Variants in SEMA5A observed in about 807,000 individuals in gnomAD.
SEMA5A encodes semaphorin 5A, also known as semaphorin-5A.
Under a neutral mutation model 135.5 loss-of-function variants are expected in SEMA5A, and 55 were observed. The observed-to-expected ratio is 0.41, with a 90% confidence interval of 0.33 to 0.51. The LOEUF is 0.51. Ranked by LOEUF, SEMA5A falls within the 20% of genes least tolerant of loss-of-function variation. The pLI, the probability that SEMA5A is intolerant of heterozygous loss-of-function variation, is 0.37. For synonymous variants in SEMA5A, 580 were observed against 546.5 expected, an observed-to-expected ratio of 1.06 and a Z score of -0.85; for missense variants, 1,290 against 1,419.9, an observed-to-expected ratio of 0.91 and a Z score of 1.47.
intron 8 of SEMA5A, among the ~76,000 whole-genome samples, chr5:9,205,475 T>C (rs1806067): frequency 0.06 from 9,127 of 152,208 alleles, 357 homozygotes; most frequent in Non-Finnish European, 0.088. Context: ...GAGGTCATTC[T>C]GTACCCTGTG....
chr5:9,519,127 T>G (rs968199491), intron 1 of SEMA5A, among the ~76,000 whole-genome samples: 2 of 152,220 alleles, frequency 1.3e-5, no homozygotes, highest in Non-Finnish European at 2.9e-5. Context: ...CTGTAAAACA[T>G]GGAGCTGCTA....
At chr5:9,199,411 C>A (rs571375808) in intron 9 of SEMA5A, among the ~76,000 whole-genome samples, 18 of 152,308 alleles carry the variant, frequency 1.2e-4, no homozygotes, top group African/African-American at 4.1e-4. Flanking sequence ...CTGTGCTCCT[C>A]CCTCTGCCCT....
chr5:9,536,826 T>C (rs544927618), intron 1 of SEMA5A, among the ~76,000 whole-genome samples: 88 of 152,326 alleles, frequency 5.8e-4, no homozygotes, highest in African/African-American at 2.0e-3. Flanking sequence ...CAAGCTTCAA[T>C]GAAGTTTCTC....
At position 9,041,444 on chromosome 5, in the gene SEMA5A, TGCC is replaced by T. The variant is rs1382882665; in HGVS notation, c.*1450_*1452del. The T allele has an allele frequency of 2.0e-5, 3 of 152,204 alleles. No homozygotes were observed. Among genetic ancestry groups the T allele is most frequent in the African/African-American group, 7.2e-5 (3 of 41,450 alleles). 9.4% of individuals were successfully genotyped at this position (152,204 alleles called of 1,614,324 possible). On this transcript the variant is annotated 3_prime_UTR_variant, in exon 23 of 23. Transcript: ENST00000382496. ...TTTTTTCAATAATTATTCAACCAAC[TGCC>T]ATAGGTTATGTATTGGTTGTTTGTG...
intron 2 of SEMA5A, among the ~76,000 whole-genome samples, chr5:9,404,192 T>C (rs1397828473): frequency 1.3e-5 from 2 of 152,082 alleles, no homozygotes; most frequent in Non-Finnish European, 2.9e-5. Flanking sequence ...CCTCAGCCTC[T>C]CAAAGTGCTG....
chr5:9,168,619 T>C (rs1378767381), intron 11 of SEMA5A, among the ~76,000 whole-genome samples: 1 of 152,186 alleles, frequency 6.6e-6, no homozygotes, highest in Non-Finnish European at 1.5e-5. Flanking sequence ...AAAAAACCAA[T>C]GGGCAGGGAT....
In SEMA5A at chr5:9,431,675, G is replaced by A. The variant is rs143427153; in HGVS notation, c.-78+6081C>T. Among the ~76,000 whole-genome samples the A allele has an allele frequency of 3.8e-3, 585 of 152,218 alleles. 4 individuals carry two copies. The highest frequency in any genetic ancestry group is 0.013 in the African/African-American group (550 of 41,528). ...TCCCATGAAATCCAAAGATCCAAACGTGGGGTCGTTTTTATGCCCTCAGGA... is the reference window on the plus strand; with the variant it reads ...TCCCATGAAATCCAAAGATCCAAACATGGGGTCGTTTTTATGCCCTCAGGA... On this transcript the variant is annotated intron_variant, in intron 2 of 22. Coordinates refer to ENST00000382496, the MANE Select transcript of SEMA5A (RefSeq NM_003966.3).
intron 5 of SEMA5A, among the ~76,000 whole-genome samples, chr5:9,294,369 A>G (rs950992669): frequency 6.6e-6 from 1 of 152,186 alleles, no homozygotes; most frequent in Non-Finnish European, 1.5e-5. Context: ...AGCTGTCCAA[A>G]AATGGGGCAG....
At chr5:9,357,114 T>G (rs1023504976) in intron 3 of SEMA5A, among the ~76,000 whole-genome samples, 22 of 152,222 alleles carry the variant, frequency 1.4e-4, no homozygotes, top group Non-Finnish European at 2.9e-4. Context: ...ATCTCATTAA[T>G]TACAACTCTT....
intron 2 of SEMA5A, among the ~76,000 whole-genome samples, chr5:9,433,235 AAC>A (rs1455749430): frequency 6.6e-6 from 1 of 152,206 alleles, no homozygotes; most frequent in Non-Finnish European, 1.5e-5. Context: ...TCCTGAATTA[AAC>A]AGTTAAATAT....
At chr5:9,102,291 T>G (rs1278271213) in intron 16 of SEMA5A, among the ~76,000 whole-genome samples, 2 of 152,232 alleles carry the variant, frequency 1.3e-5, no homozygotes, top group African/African-American at 4.8e-5. Context: ...GCAAGGAGGT[T>G]GCTATGCTCT....
At chr5:9,183,689 C>A (rs1408701072) in intron 11 of SEMA5A, among the ~76,000 whole-genome samples, 1 of 152,208 alleles carries the variant, frequency 6.6e-6, no homozygotes, top group Non-Finnish European at 1.5e-5. Flanking sequence ...ACCCCAGAGC[C>A]TTGGCTCACG....
intron 1 of SEMA5A, among the ~76,000 whole-genome samples, chr5:9,445,175 G>A (rs1758385130): frequency 6.6e-6 from 1 of 152,126 alleles, no homozygotes; most frequent in South Asian, 2.1e-4. Flanking sequence ...GCTGGATGTT[G>A]TGCTGAATGA....
At chr5:9,292,935 C>T (rs1751156404) in intron 5 of SEMA5A, among the ~76,000 whole-genome samples, 1 of 152,154 alleles carries the variant, frequency 6.6e-6, no homozygotes, top group Admixed American at 6.5e-5. Context: ...ACCCCCATGA[C>T]CAAGAATTAT....
At chr5:9,357,611 A>G (rs1285612540) in intron 3 of SEMA5A, among the ~76,000 whole-genome samples, 1 of 152,136 alleles carries the variant, frequency 6.6e-6, no homozygotes, top group African/African-American at 2.4e-5. Flanking sequence ...GAATAGACAT[A>G]AGCCTTTTTG....
At chr5:9,521,909 AGG>A (rs1444594082) in intron 1 of SEMA5A, among the ~76,000 whole-genome samples, 1 of 152,148 alleles carries the variant, frequency 6.6e-6, no homozygotes, top group African/African-American at 2.4e-5. Context: ...TGCTCAGTTC[AGG>A]CTGCCTGTCA....
intron 2 of SEMA5A, among the ~76,000 whole-genome samples, chr5:9,417,623 T>G (rs1293321566): frequency 6.6e-6 from 1 of 152,210 alleles, no homozygotes; most frequent in African/African-American, 2.4e-5. Flanking sequence ...ATAATCACAT[T>G]CTTTGCTCTT....
chr5:9,543,470 C>T (rs916308417), intron 1 of SEMA5A, among the ~76,000 whole-genome samples: 1 of 152,138 alleles, frequency 6.6e-6, no homozygotes, highest in Non-Finnish European at 1.5e-5. Flanking sequence ...TCAAAAATTT[C>T]CTCTGGACAG....
At chr5:9,248,936 T>A (rs1190275344) in intron 5 of SEMA5A, among the ~76,000 whole-genome samples, 1 of 152,150 alleles carries the variant, frequency 6.6e-6, no homozygotes, top group East Asian at 1.9e-4. Context: ...ACCCACCAAG[T>A]TCATGATAAT....
Sources: allele counts gnomAD v4.1 joint callset (sites outside exome capture counted in the v4.1 genomes callset), GRCh38; gene constraint gnomAD v4.1.1; transcripts MANE v1.5; gene names NCBI Gene and HGNC (gene_info 2026-07-23, HGNC 2026-07-21).